The following FAM13B variants were observed in gnomAD, a reference collection of about 807,000 sequenced individuals.
The protein encoded by FAM13B is family with sequence similarity 13 member B.
In FAM13B, 60 loss-of-function variants were observed where a neutral mutation model predicts 117.3. That is an observed-to-expected ratio of 0.51 (90% confidence interval 0.42 to 0.63). The LOEUF (loss-of-function observed/expected upper bound fraction) is 0.63, where lower values mean the gene tolerates loss of function less well. FAM13B is among the 30% of genes least tolerant of loss of function. FAM13B has a pLI of 0.00. For missense variants in FAM13B, 972 were observed against 1,091.9 expected (o/e 0.89, Z 1.55); for synonymous variants, 332 against 356.1 (o/e 0.93, Z 0.76).
At position 137,939,223 on chromosome 5, in the gene FAM13B, G is replaced by A. The variant is rs1760972384; in HGVS notation, c.*1002C>T. ...ATGGATTTTGCTGATTAAAATAGGA[G>A]GGGAAAAAAAAAAAGATAACCCCCT... On this transcript the variant is annotated 3_prime_UTR_variant, in exon 24 of 24. Coordinates refer to ENST00000689681, the MANE Select transcript of FAM13B (RefSeq NM_001385994.1). 6.6e-6 allele frequency: 1 copy of A among 151,404 alleles called. No homozygotes were observed. The highest frequency in any genetic ancestry group is 1.5e-5 in the Non-Finnish European group (1 of 67,774). 9.4% of individuals were successfully genotyped at this position (151,404 alleles called of 1,614,324 possible).
intron 10 of FAM13B, among the ~76,000 whole-genome samples, chr5:137,981,693 G>A (rs1775800472): frequency 6.6e-6 from 1 of 151,858 alleles, no homozygotes; most frequent in Non-Finnish European, 1.5e-5. Flanking sequence ...GGCTGAGGCA[G>A]GAGAATGGCT....
chr5:137,985,256 C>T lies in FAM13B; in HGVS notation c.1179+1G>A. On this transcript the variant is annotated splice_donor_variant, in intron 10 of 23. Transcript: ENST00000689681. LOFTEE classifies it high-confidence loss of function. ...TAACACATATTTTTGACATTCCTTACCTGGGTATTTTCTTCATTCTCAAAT... is the reference window on the plus strand; with the variant it reads ...TAACACATATTTTTGACATTCCTTATCTGGGTATTTTCTTCATTCTCAAAT... 6.2e-7 allele frequency: 1 copy of T among 1,612,308 alleles called. No individual in the cohort carries two copies. Among genetic ancestry groups the T allele is most frequent in the Non-Finnish European group, 8.5e-7 (1 of 1,179,472 alleles).
chr5:138,031,141 T>G (rs1789882738), intron 1 of FAM13B, among the ~76,000 whole-genome samples: 1 of 152,206 alleles, frequency 6.6e-6, no homozygotes. Context: ...CATAACTGAT[T>G]ATAAAAGCAG....
chr5:137,990,652 T>C (rs1408963361), intron 7 of FAM13B, among the ~76,000 whole-genome samples: 1 of 152,002 alleles, frequency 6.6e-6, no homozygotes, highest in Non-Finnish European at 1.5e-5. Flanking sequence ...CCTAACTAGA[T>C]ATACAAGTTT....
At chr5:137,998,499 C>T (rs1227816764) in intron 7 of FAM13B, among the ~76,000 whole-genome samples, 2 of 152,140 alleles carry the variant, frequency 1.3e-5, no homozygotes, top group Admixed American at 6.6e-5. Flanking sequence ...TTACGGAATA[C>T]CATTTTTACT....
chr5:138,027,647 C>T (rs1242420841), intron 1 of FAM13B, among the ~76,000 whole-genome samples: 2 of 152,190 alleles, frequency 1.3e-5, no homozygotes, highest in African/African-American at 2.4e-5. Context: ...AAAAGCTGAA[C>T]GAATGTCTCA....
chr5:138,046,518 A>G (rs1431695164), intron 1 of FAM13B, among the ~76,000 whole-genome samples: 1 of 152,068 alleles, frequency 6.6e-6, no homozygotes, highest in Non-Finnish European at 1.5e-5. Flanking sequence ...CTTTTTGTGC[A>G]TTTCTGTTTT....
chr5:138,039,722 C>T (rs1378040747), intron 1 of FAM13B: 2 of 152,104 alleles, frequency 1.3e-5, no homozygotes. Flanking sequence ...AGGCATGAGC[C>T]ACCATGCCTA....
At chr5:137,977,584 A>G (rs1774387221) in intron 10 of FAM13B, among the ~76,000 whole-genome samples, 1 of 152,202 alleles carries the variant, frequency 6.6e-6, no homozygotes, top group Non-Finnish European at 1.5e-5. Flanking sequence ...GGAAAATAGA[A>G]AAGAACCTAC....
At chr5:138,045,230 T>C (rs1320592802) in intron 1 of FAM13B, among the ~76,000 whole-genome samples, 2 of 152,012 alleles carry the variant, frequency 1.3e-5, no homozygotes, top group Non-Finnish European at 2.9e-5. Context: ...AGGAAATACA[T>C]ACAAGAATGA....
chr5:138,040,714 T>C (rs1791474625), intron 1 of FAM13B, among the ~76,000 whole-genome samples: 1 of 151,972 alleles, frequency 6.6e-6, no homozygotes, highest in South Asian at 2.1e-4. Flanking sequence ...AAGTATAAAA[T>C]GCACACATAA....
At chr5:138,038,282 C>T (rs1791346954) in intron 1 of FAM13B, among the ~76,000 whole-genome samples, 1 of 152,120 alleles carries the variant, frequency 6.6e-6, no homozygotes, top group South Asian at 2.1e-4. Context: ...CATCTCTTCC[C>T]CAATTAGAAG....
At chr5:138,013,064 G>A (rs1433976750) in intron 4 of FAM13B, among the ~76,000 whole-genome samples, 3 of 152,014 alleles carry the variant, frequency 2.0e-5, no homozygotes, top group East Asian at 3.9e-4. Flanking sequence ...TTAGCTGAGT[G>A]TACTGGCACA....
intron 1 of FAM13B, among the ~76,000 whole-genome samples, chr5:138,031,040 A>C (rs1308571383): frequency 1.3e-5 from 2 of 152,148 alleles, no homozygotes; most frequent in East Asian, 1.9e-4. Context: ...CAAAAAAAAA[A>C]ACAAAACAGT....
intron 7 of FAM13B, among the ~76,000 whole-genome samples, chr5:137,990,391 G>A (rs1459051293): frequency 6.6e-6 from 1 of 152,146 alleles, no homozygotes; most frequent in African/African-American, 2.4e-5. Context: ...AAATCCTGAA[G>A]AAGCTCTCTA....
At chr5:138,048,847 C>T (rs1343932802) in intron 1 of FAM13B, among the ~76,000 whole-genome samples, 5 of 152,076 alleles carry the variant, frequency 3.3e-5, no homozygotes, top group African/African-American at 1.2e-4. Flanking sequence ...CATTGTACCC[C>T]ATGCAGACCT....
At chr5:138,017,160 C>T (rs537144744) in intron 4 of FAM13B, among the ~76,000 whole-genome samples, 3 of 152,250 alleles carry the variant, frequency 2.0e-5, no homozygotes, top group Admixed American at 6.5e-5. Flanking sequence ...AATCAGGTTA[C>T]CCCTTCCTGA....
intron 10 of FAM13B, among the ~76,000 whole-genome samples, chr5:137,982,458 G>A (rs1318303595): frequency 2.0e-5 from 3 of 152,132 alleles, no homozygotes; most frequent in African/African-American, 7.2e-5. Flanking sequence ...GGAGGCAGAG[G>A]TTGTGGTGAG....
intron 10 of FAM13B, among the ~76,000 whole-genome samples, chr5:137,970,319 CA>C (rs1771687263): frequency 6.6e-6 from 1 of 151,828 alleles, no homozygotes; most frequent in Non-Finnish European, 1.5e-5. Flanking sequence ...CATTCTTAAA[CA>C]AAAGAATTTT....
Sources: allele counts gnomAD v4.1 joint callset (sites outside exome capture counted in the v4.1 genomes callset), GRCh38; gene constraint gnomAD v4.1.1; transcripts MANE v1.5; gene names NCBI Gene and HGNC (gene_info 2026-07-23, HGNC 2026-07-21).